The following CDR2 variants were observed in gnomAD, a reference collection of about 807,000 sequenced individuals.
CDR2 encodes cerebellar degeneration related protein 2, also known as cerebellar degeneration-related protein 2.
CDR2 carries 34 observed loss-of-function variants against 48.4 expected under a neutral mutation model. The observed-to-expected ratio is 0.70, with a 90% CI of 0.53 to 0.94. CDR2 has a LOEUF of 0.94. Ranked by LOEUF, CDR2 falls within the 40% of genes least tolerant of loss-of-function variation. The probability of loss-of-function intolerance (pLI) is 0.00; values close to 1 mark genes in which losing one functional copy is unlikely to be tolerated. For missense variants in CDR2, 498 were observed against 549.5 expected, an observed-to-expected ratio of 0.91 and a Z score of 0.94; for synonymous variants, 240 against 219.7, an observed-to-expected ratio of 1.09 and a Z score of -0.82.
At position 22,347,558 on chromosome 16, in the gene CDR2, G is replaced by C; in HGVS notation, c.772C>G (p.Arg258Gly). ...LELEAEVAEM[R>G]QMLQSEHPFV... ...GGATGCTCTGACTGCAACATCTGTC[G>C]CATCTCTGCCACCTCGGCCTCTAGT... Residue 258 changes from arginine to glycine, a missense_variant, in exon 5 of 5, where the codon CGA becomes GGA. Coordinates refer to ENST00000268383, the MANE Select transcript of CDR2 (RefSeq NM_001802.2). The C allele has an allele frequency of 6.2e-7, 1 of 1,614,020 alleles. No homozygotes were observed.
chr16:22,365,065 A>T lies in CDR2; in HGVS notation c.80-51T>A, dbSNP rs781481552. On this transcript the variant is annotated intron_variant, in intron 1 of 4. Transcript: ENST00000268383. ...TAATACAAATGATCTCACATCAACA[A>T]TTTATATAACCCAGTCCTTCAAAAA... 6 of 1,160,028 alleles carry T rather than the reference A, an allele frequency of 5.2e-6. No homozygotes were observed. The African/African-American group carries it at 9.0e-5, about 17-fold the overall frequency. 71.9% of individuals were successfully genotyped at this position (1,160,028 alleles called of 1,614,324 possible).
chr16:22,355,290 G>A (rs2048967828), intron 2 of CDR2, among the ~76,000 whole-genome samples: 1 of 151,874 alleles, frequency 6.6e-6, no homozygotes, highest in South Asian at 2.1e-4. Flanking sequence ...TGCCTTTTTT[G>A]GAGTTGCCCC....
At chr16:22,355,961 C>T (rs543273218) in intron 2 of CDR2, among the ~76,000 whole-genome samples, 1 of 152,102 alleles carries the variant, frequency 6.6e-6, no homozygotes, top group Non-Finnish European at 1.5e-5. Context: ...CAATAAACCA[C>T]TAGTAGTATT....
At chr16:22,353,964 G>A (rs927685087) in intron 2 of CDR2, among the ~76,000 whole-genome samples, 6 of 152,124 alleles carry the variant, frequency 3.9e-5, no homozygotes, top group Non-Finnish European at 7.3e-5. Context: ...TTACAAAAAC[G>A]TTAATATATG....
At chr16:22,372,330 G>A (rs1440952867) in intron 1 of CDR2, among the ~76,000 whole-genome samples, 1 of 152,172 alleles carries the variant, frequency 6.6e-6, no homozygotes, top group Non-Finnish European at 1.5e-5. Context: ...GCGGGAGAAT[G>A]CAGCGTGGAC....
intron 2 of CDR2, among the ~76,000 whole-genome samples, chr16:22,353,273 A>G (rs2048954182): frequency 6.6e-6 from 1 of 152,184 alleles, no homozygotes; most frequent in Non-Finnish European, 1.5e-5. Flanking sequence ...TTCATGAATG[A>G]GAGTCTCTGG....
chr16:22,360,252 G>C (rs938830285), intron 2 of CDR2, among the ~76,000 whole-genome samples: 2 of 152,016 alleles, frequency 1.3e-5, no homozygotes, highest in Admixed American at 1.3e-4. Flanking sequence ...GAAAAAACTT[G>C]CTCTGGATTC....
At chr16:22,374,101 G>A (rs1051994560) in intron 1 of CDR2, 130 bp downstream of exon 1, 2 of 569,744 alleles carry the variant, frequency 3.5e-6, no homozygotes, top group African/African-American at 2.0e-5. Flanking sequence ...CGGCCCAGCC[G>A]CCAGGTGAGC....
chr16:22,346,764 TG>T lies in CDR2; in HGVS notation c.*200del, dbSNP rs2048907617. On this transcript the variant is annotated 3_prime_UTR_variant, in exon 5 of 5. Transcript: ENST00000268383. ...GAGGCCAGTTTGTCATGGGATTTCC[TG>T]GGGAGCTTAAATGGAAGTGGATCAG... The T allele has an allele frequency of 4.8e-6, 3 of 630,108 alleles. No homozygotes were observed. The highest frequency in any genetic ancestry group is 8.3e-6 in the Non-Finnish European group (3 of 360,262). The allele number at this position is 630,108 out of a possible 1,614,324, so 39.0% of individuals were successfully genotyped here. A position where few individuals can be genotyped will look rare whatever the true frequency, so the allele number is the denominator to read the frequency against.
chr16:22,363,567 C>A (rs1326803331), intron 2 of CDR2, among the ~76,000 whole-genome samples: 1 of 152,184 alleles, frequency 6.6e-6, no homozygotes, highest in Non-Finnish European at 1.5e-5. Flanking sequence ...ATTCCCAGCA[C>A]CTGGTTCAGG....
intron 2 of CDR2, among the ~76,000 whole-genome samples, chr16:22,350,273 C>T (rs1460783657): frequency 6.6e-6 from 1 of 152,172 alleles, no homozygotes; most frequent in African/African-American, 2.4e-5. Flanking sequence ...TGGGGTGGGG[C>T]TGACATAGAG....
At chr16:22,363,161 C>T (rs560896511) in intron 2 of CDR2, among the ~76,000 whole-genome samples, 2 of 151,608 alleles carry the variant, frequency 1.3e-5, no homozygotes, top group African/African-American at 2.4e-5. Context: ...AGACTGGTCT[C>T]GAACTCCTGA....
chr16:22,349,236 GAGAC>G, intron 4 of CDR2, 39 bp downstream of exon 4: 1 of 1,602,258 alleles, frequency 6.2e-7, no homozygotes, highest in African/African-American at 1.3e-5. Context: ...CCAATGACAT[GAGAC>G]AGTCCCTGCT....
chr16:22,357,032 C>A (rs1206022075), intron 2 of CDR2, among the ~76,000 whole-genome samples: 1 of 150,056 alleles, frequency 6.7e-6, no homozygotes, highest in South Asian at 2.1e-4. Flanking sequence ...AAATTGATTT[C>A]TCTCAAAACA....
At chr16:22,357,080 G>A (rs1431019366) in intron 2 of CDR2, among the ~76,000 whole-genome samples, 1 of 152,022 alleles carries the variant, frequency 6.6e-6, no homozygotes, top group Non-Finnish European at 1.5e-5. Flanking sequence ...TGTTGAGATG[G>A]AGTCTCACTC....
At chr16:22,357,413 G>C (rs567844123) in intron 2 of CDR2, among the ~76,000 whole-genome samples, 2 of 152,196 alleles carry the variant, frequency 1.3e-5, no homozygotes, top group Non-Finnish European at 2.9e-5. Flanking sequence ...CACACAGTAG[G>C]GGACAAAAAA....
chr16:22,363,773 G>A (rs1598295418), intron 2 of CDR2, among the ~76,000 whole-genome samples: 1 of 152,116 alleles, frequency 6.6e-6, no homozygotes, highest in African/African-American at 2.4e-5. Flanking sequence ...GTTCTGATGG[G>A]ACACTGGTTA....
At chr16:22,347,898 T>A in intron 4 of CDR2, 75 bp from the exon 5 acceptor site, 1 of 1,380,730 alleles carries the variant, frequency 7.2e-7, no homozygotes, top group Middle Eastern at 1.9e-4. Context: ...GGTGATTTTT[T>A]TTCAACTAAA....
Position 22,347,798 on chromosome 16 carries a change from C to T in CDR2, c.532G>A (p.Ala178Thr), listed in dbSNP as rs377261960. 97 of 1,613,174 alleles carry T rather than the reference C, an allele frequency of 6.0e-5. No homozygotes were observed. The highest frequency in any genetic ancestry group is 9.3e-5 in the African/African-American group (7 of 74,884). Residue 178 changes from alanine (A) to threonine (T), a missense_variant, in exon 5 of 5, where the codon GCT becomes ACT. Transcript: ENST00000268383. ...RQHFVYDHVF[A>T]EKITSLQGQP... ...CCTTGCAAGGAAGTGATCTTCTCAG[C>T]GAACACATGATCATACACGAAGTGT...
Sources: gnomAD v4.1 joint callset for allele counts (sites outside exome capture counted in the v4.1 genomes callset) on GRCh38, gnomAD v4.1.1 for gene constraint, MANE v1.5 for transcripts, NCBI Gene and HGNC (gene_info 2026-07-23, HGNC 2026-07-21) for gene names.